ZNF423: variants seen among roughly 807,000 people sequenced by gnomAD.
ZNF423 encodes the protein zinc finger protein 423.
In ZNF423, 12 loss-of-function variants were observed where a neutral mutation model predicts 95.8. The ratio of observed to expected loss-of-function variants is 0.13; its 90% CI spans 0.08 to 0.20. The LOEUF (loss-of-function observed/expected upper bound fraction) is 0.20. Ranked by LOEUF, ZNF423 falls within the 10% of genes least tolerant of loss-of-function variation. The pLI is 1.00. For synonymous variants in ZNF423, 749 were observed against 711.9 expected, an observed-to-expected ratio of 1.05 and a Z score of -0.83; for missense variants, 1,316 against 1,737.1, an observed-to-expected ratio of 0.76 and a Z score of 4.31.
rs924094299 is a variant in ZNF423, at chr16:49,744,564, G to A, written c.101-13593C>T. Reference sequence around the variant, plus strand: ...GGTGTCCCCAGCTCGGGGTTGGGGTGTACCCAGCTCGGGGTCAGGGTTTTG... The same window carrying A: ...GGTGTCCCCAGCTCGGGGTTGGGGTATACCCAGCTCGGGGTCAGGGTTTTG... On this transcript the variant is annotated intron_variant, in intron 2 of 7. Coordinates refer to ENST00000563137, the MANE Select transcript of ZNF423 (RefSeq NM_001379286.1). Among the ~76,000 whole-genome samples, 4 of 152,230 alleles carry A rather than the reference G, an allele frequency of 2.6e-5. No homozygotes were observed. In the East Asian group the frequency reaches 7.7e-4, roughly 29 times the overall value.
intron 5 of ZNF423, among the ~76,000 whole-genome samples, chr16:49,595,468 G>A (rs1451585051): frequency 6.6e-6 from 1 of 152,200 alleles, no homozygotes; most frequent in Non-Finnish European, 1.5e-5. Flanking sequence ...TAGCCTGACT[G>A]ATTAATAGGG....
At chr16:49,664,467 C>T (rs897934464) in intron 3 of ZNF423, among the ~76,000 whole-genome samples, 3 of 152,318 alleles carry the variant, frequency 2.0e-5, no homozygotes, top group Non-Finnish European at 4.4e-5. Flanking sequence ...GCCCCGGGGG[C>T]GACCGAGGAG....
At chr16:49,573,445 A>C (rs1426315397) in intron 5 of ZNF423, among the ~76,000 whole-genome samples, 2 of 152,214 alleles carry the variant, frequency 1.3e-5, no homozygotes, top group African/African-American at 4.8e-5. Context: ...TATTTAGCTC[A>C]TGATTCTGGA....
intron 3 of ZNF423, among the ~76,000 whole-genome samples, chr16:49,643,157 C>T (rs532075960): frequency 6.6e-6 from 1 of 152,198 alleles, no homozygotes; most frequent in African/African-American, 2.4e-5. Flanking sequence ...ACACTTTCCT[C>T]ATGCTGGATG....
At chr16:49,755,657 C>T (rs182290922) in intron 2 of ZNF423, among the ~76,000 whole-genome samples, 1 of 152,168 alleles carries the variant, frequency 6.6e-6, no homozygotes, top group African/African-American at 2.4e-5. Context: ...TTCTCATTAA[C>T]CCTCGTTTAC....
At chr16:49,724,380 C>T (rs75067667) in intron 3 of ZNF423, among the ~76,000 whole-genome samples, 3,039 of 152,314 alleles carry the variant, frequency 0.02, 86 homozygotes, top group African/African-American at 0.07. Flanking sequence ...TAGCCTTTTG[C>T]GCCATGTGAA....
chr16:49,622,299 C>T (rs1258585698), intron 5 of ZNF423, among the ~76,000 whole-genome samples: 6 of 152,098 alleles, frequency 3.9e-5, no homozygotes, highest in Non-Finnish European at 8.8e-5. Context: ...AAGGACAAAC[C>T]CTAACCCCTC....
In ZNF423 at chr16:49,815,876, AAAAAAATATATATATATATATAT is replaced by A. The variant is rs1192317061; in HGVS notation, c.41-26353_41-26331del. Among the ~76,000 whole-genome samples, 463 of 72,074 alleles carry A rather than the reference AAAAAAATATATATATATATATAT, an allele frequency of 6.4e-3. 10 individuals carry two copies. The highest frequency in any genetic ancestry group is 0.021 in the Middle Eastern group (3 of 142). 47.3% of individuals were successfully genotyped at this position (72,074 alleles called of 152,430 possible). On this transcript the variant is annotated intron_variant, in intron 1 of 7. Transcript: ENST00000563137. ...CATTCTAATTCCAAACAAACAAAAA[AAAAAAATATATATATATATATAT>A]ATATATATATATATATTTTTTTTTT...
chr16:49,805,103 C>T (rs1432587429), intron 1 of ZNF423, among the ~76,000 whole-genome samples: 4 of 151,856 alleles, frequency 2.6e-5, no homozygotes, highest in African/African-American at 9.7e-5. Context: ...TTTCACTATG[C>T]TGGCCAGAAC....
intron 1 of ZNF423, among the ~76,000 whole-genome samples, chr16:49,818,104 C>T (rs2034884487): frequency 6.6e-6 from 1 of 152,172 alleles, no homozygotes; most frequent in African/African-American, 2.4e-5. Context: ...CACAGCTCAT[C>T]AGTCCTTTTT....
intron 7 of ZNF423, among the ~76,000 whole-genome samples, chr16:49,500,352 C>G (rs1296797736): frequency 6.6e-6 from 1 of 152,144 alleles, no homozygotes; most frequent in Non-Finnish European, 1.5e-5. Flanking sequence ...CCTTTGGCCC[C>G]CTCCTGGGTA....
chr16:49,618,550 C>T (rs746357971), intron 5 of ZNF423, among the ~76,000 whole-genome samples: 3 of 152,098 alleles, frequency 2.0e-5, no homozygotes, highest in South Asian at 2.1e-4. Flanking sequence ...TCTCTCCTGC[C>T]GCCATGTAAG....
intron 1 of ZNF423, among the ~76,000 whole-genome samples, chr16:49,834,054 G>C (rs1423597292): frequency 6.6e-6 from 1 of 152,236 alleles, no homozygotes; most frequent in East Asian, 1.9e-4. Context: ...GAGCAGGACA[G>C]AGTGAAGATC....
At chr16:49,768,836 C>A (rs112361973) in intron 2 of ZNF423, among the ~76,000 whole-genome samples, 1 of 152,064 alleles carries the variant, frequency 6.6e-6, no homozygotes, top group African/African-American at 2.4e-5. Flanking sequence ...CGTTCAAGTA[C>A]CCCCTCAACA....
At chr16:49,705,354 A>G (rs2032315902) in intron 3 of ZNF423, among the ~76,000 whole-genome samples, 1 of 152,198 alleles carries the variant, frequency 6.6e-6, no homozygotes. Context: ...AGCCGATTAA[A>G]AGGAGGCTTT....
intron 2 of ZNF423, among the ~76,000 whole-genome samples, chr16:49,764,255 A>G (rs1470518169): frequency 6.6e-6 from 1 of 152,208 alleles, no homozygotes. Context: ...CCAGCATAAG[A>G]GAAGACCATG....
At chr16:49,780,903 T>G (rs1320067389) in intron 2 of ZNF423, among the ~76,000 whole-genome samples, 2 of 152,264 alleles carry the variant, frequency 1.3e-5, no homozygotes, top group African/African-American at 4.8e-5. Flanking sequence ...AAATGTCCCT[T>G]GGTCCTCATC....
chr16:49,684,696 C>T (rs544341838), intron 3 of ZNF423, among the ~76,000 whole-genome samples: 1 of 152,298 alleles, frequency 6.6e-6, no homozygotes, highest in African/African-American at 2.4e-5. Flanking sequence ...CAGTCCAGTT[C>T]ATGTAGGGGG....
chr16:49,658,775 C>A (rs1477022), intron 3 of ZNF423, among the ~76,000 whole-genome samples: 152,379 of 152,382 alleles, frequency 1, 76,188 homozygotes, highest in Non-Finnish European at 1. Context: ...GGGCAGGGCC[C>A]CTGAAGTCCT....
Sources: gnomAD v4.1 joint callset for allele counts (sites outside exome capture counted in the v4.1 genomes callset) on GRCh38, gnomAD v4.1.1 for gene constraint, MANE v1.5 for transcripts, NCBI Gene and HGNC (gene_info 2026-07-23, HGNC 2026-07-21) for gene names.